The following LMTK2 variants were observed in gnomAD, a reference collection of about 807,000 sequenced individuals.
LMTK2 encodes serine/threonine-protein kinase LMTK2.
LMTK2 carries 37 observed loss-of-function variants against 127.5 expected under a neutral mutation model. The ratio of observed to expected loss-of-function variants is 0.29; its 90% CI spans 0.22 to 0.38. The LOEUF is 0.38. Among genes scored for constraint, LMTK2 ranks in the 10% least tolerant of loss-of-function variants. LMTK2 has a pLI of 1.00. For synonymous variants in LMTK2, 819 were observed against 810.1 expected (o/e 1.01, Z -0.19); for missense variants, 1,694 against 1,920.3 (o/e 0.88, Z 2.20).
At chr7:98,166,314 A>G (rs1797099191) in intron 6 of LMTK2, among the ~76,000 whole-genome samples, 3 of 152,252 alleles carry the variant, frequency 2.0e-5, no homozygotes, top group Admixed American at 2.0e-4. Context: ...ACGGAGTGGC[A>G]GCTGTGATTT....
intron 6 of LMTK2, among the ~76,000 whole-genome samples, chr7:98,167,424 A>G (rs540446024): frequency 6.6e-6 from 1 of 152,192 alleles, no homozygotes; most frequent in Non-Finnish European, 1.5e-5. Flanking sequence ...GCTCAGGCGA[A>G]TGGATGCAGG....
chr7:98,191,050 T>G (rs1797515420), intron 10 of LMTK2, among the ~76,000 whole-genome samples, 173 bp downstream of exon 10: 2 of 152,178 alleles, frequency 1.3e-5, no homozygotes, highest in Admixed American at 1.3e-4. Flanking sequence ...GTAGAAATGT[T>G]TCGGGTGTTG....
chr7:98,114,243 T>G (rs1049100765), intron 1 of LMTK2, among the ~76,000 whole-genome samples: 2 of 149,402 alleles, frequency 1.3e-5, no homozygotes, highest in African/African-American at 4.9e-5. Flanking sequence ...TTTTAAAGTT[T>G]TTTTTTTTTT....
intron 9 of LMTK2, 42 bp from the exon 10 acceptor site, chr7:98,190,686 A>G: frequency 1.2e-6 from 2 of 1,606,806 alleles, no homozygotes; most frequent in South Asian, 2.2e-5. Flanking sequence ...AAAATTTGAC[A>G]TCTAAAGGGA....
rs1796112352 is a variant in LMTK2 at position 98,106,881 on chromosome 7, C to G, written c.-297C>G. 4.5e-6 allele frequency: 2 copies of G among 446,008 alleles called. No homozygotes were observed. The highest frequency in any genetic ancestry group is 7.9e-6 in the Non-Finnish European group (2 of 252,240). 27.6% of individuals were successfully genotyped at this position (446,008 alleles called of 1,614,324 possible). A position where few individuals can be genotyped will look rare whatever the true frequency, so the allele number is the denominator to read the frequency against. On this transcript the variant is annotated 5_prime_UTR_variant, in exon 1 of 14. The change creates a new upstream start codon in the 5' untranslated region. Coordinates refer to ENST00000297293, the MANE Select transcript of LMTK2 (RefSeq NM_014916.4). Reference sequence around the variant, plus strand: ...CGCTACGTCACATGACGCAGCCCATCATGGCGGCGGGAGCGCGGCTTCCCA... The same window carrying G: ...CGCTACGTCACATGACGCAGCCCATGATGGCGGCGGGAGCGCGGCTTCCCA...
At chr7:98,113,825 A>T (rs1487704902) in intron 1 of LMTK2, among the ~76,000 whole-genome samples, 1 of 152,158 alleles carries the variant, frequency 6.6e-6, no homozygotes, top group East Asian at 1.9e-4. Context: ...TATTGGATTG[A>T]TGTCTTTTAA....
intron 1 of LMTK2, among the ~76,000 whole-genome samples, chr7:98,135,265 T>A (rs968620649): frequency 6.6e-6 from 1 of 152,206 alleles, no homozygotes; most frequent in Non-Finnish European, 1.5e-5. Context: ...GCCTTCCTTT[T>A]GGTGCATTTG....
chr7:98,131,968 G>A (rs1796525546), intron 1 of LMTK2, among the ~76,000 whole-genome samples: 1 of 152,132 alleles, frequency 6.6e-6, no homozygotes. Flanking sequence ...GGCTCTTTGG[G>A]GAAATGATTG....
At chr7:98,128,656 T>TG (rs1796477889) in intron 1 of LMTK2, among the ~76,000 whole-genome samples, 1 of 152,222 alleles carries the variant, frequency 6.6e-6, no homozygotes, top group African/African-American at 2.4e-5. Context: ...CCGAGGGCTG[T>TG]GGCTCTGCCC....
intron 7 of LMTK2, among the ~76,000 whole-genome samples, chr7:98,175,969 T>C (rs1797270789): frequency 6.6e-6 from 1 of 152,192 alleles, no homozygotes; most frequent in Non-Finnish European, 1.5e-5. Context: ...CTATAACTCA[T>C]ATCATGAATC....
At chr7:98,122,734 A>G (rs1796383444) in intron 1 of LMTK2, among the ~76,000 whole-genome samples, 2 of 106,070 alleles carry the variant, frequency 1.9e-5, no homozygotes, top group Non-Finnish European at 4.1e-5. Flanking sequence ...GTGTATATAT[A>G]TAACTGGATC....
At chr7:98,172,983 T>C (rs1051668193) in intron 7 of LMTK2, among the ~76,000 whole-genome samples, 1 of 152,090 alleles carries the variant, frequency 6.6e-6, no homozygotes, top group Non-Finnish European at 1.5e-5. Context: ...GTCTCAAACT[T>C]CTGACCTCAG....
chr7:98,188,188 T>G (rs564280896), intron 9 of LMTK2, among the ~76,000 whole-genome samples: 1 of 152,282 alleles, frequency 6.6e-6, no homozygotes, highest in Non-Finnish European at 1.5e-5. Context: ...TAATCACTCT[T>G]CTACTCTCTA....
rs1382482664 is a variant in LMTK2, at chr7:98,140,152, CTTTTCTTTTCT to C, written c.232-1241_232-1231del. On this transcript the variant is annotated intron_variant, in intron 2 of 13. Coordinates refer to ENST00000297293, the MANE Select transcript of LMTK2 (RefSeq NM_014916.4). ...TTTCTTTCTTTCTTTCTTTTCTTTT[CTTTTCTTTTCT>C]TTTCTTTTCTTTCTTTTCTTTCTTC... 8.5e-4 allele frequency among the ~76,000 whole-genome samples: 50 copies of C among 59,144 alleles called. 16 individuals carry two copies. Among genetic ancestry groups the C allele is most frequent in the African/African-American group, 5.6e-3 (36 of 6,388 alleles). 38.8% of individuals were successfully genotyped at this position (59,144 alleles called of 152,430 possible). A position where few individuals can be genotyped will look rare whatever the true frequency, so the allele number is the denominator to read the frequency against.
In LMTK2 at chr7:98,110,714, A is replaced by G. The variant is rs756931951; in HGVS notation, c.103+3434A>G. Among the ~76,000 whole-genome samples, 64 of 152,224 alleles carry G rather than the reference A, an allele frequency of 4.2e-4. 1 individual carries two copies. The highest frequency in any genetic ancestry group is 7.2e-5 in the African/African-American group (3 of 41,448). On this transcript the variant is annotated intron_variant, in intron 1 of 13. Transcript: ENST00000297293. Reference sequence around the variant, plus strand: ...TCTCTAAGCTCACACTTTCTTATTAATATTAGGATAGTGGTGAGACAAGGA... The same window carrying G: ...TCTCTAAGCTCACACTTTCTTATTAGTATTAGGATAGTGGTGAGACAAGGA...
At chr7:98,148,927 C>CA (rs1796810816) in intron 3 of LMTK2, among the ~76,000 whole-genome samples, 1 of 152,230 alleles carries the variant, frequency 6.6e-6, no homozygotes, top group African/African-American at 2.4e-5. Flanking sequence ...TTCCCATCTA[C>CA]ATGGGAGCTT....
Position 98,205,749 on chromosome 7 carries a change from G to A in LMTK2, c.*257G>A. 3.5e-6 allele frequency: 2 copies of A among 566,106 alleles called. No individual in the cohort carries two copies. The highest frequency in any genetic ancestry group is 6.4e-6 in the Non-Finnish European group (2 of 314,350). The allele number at this position is 566,106 out of a possible 1,614,324, so 35.1% of individuals were successfully genotyped here. ...ACCCGCGGCCGCGGCCTCCCAGGCA[G>A]TGCTCATGCGCTGGCCGTCGGGGGA... On this transcript the variant is annotated 3_prime_UTR_variant, in exon 14 of 14. Transcript: ENST00000297293.
intron 9 of LMTK2, among the ~76,000 whole-genome samples, chr7:98,188,797 T>G (rs1797476970): frequency 6.6e-6 from 1 of 152,174 alleles, no homozygotes; most frequent in Admixed American, 6.5e-5. Context: ...CCTTTTGGGG[T>G]TGATTGTATT....
chr7:98,159,541 A>G, intron 6 of LMTK2, 116 bp downstream of exon 6: 1 of 715,078 alleles, frequency 1.4e-6, no homozygotes, highest in Admixed American at 2.5e-5. Context: ...CACTTGAAGA[A>G]CTTTATGATG....
Sources: gnomAD v4.1 joint callset for allele counts (sites outside exome capture counted in the v4.1 genomes callset) on GRCh38, gnomAD v4.1.1 for gene constraint, MANE v1.5 for transcripts, NCBI Gene and HGNC (gene_info 2026-07-23, HGNC 2026-07-21) for gene names.